Variants in SLC26A11 observed in about 807,000 individuals in gnomAD.
SLC26A11 encodes sodium-independent sulfate anion transporter.
SLC26A11 carries 58 observed loss-of-function variants against 62.2 expected under a neutral mutation model. That is an observed-to-expected ratio of 0.93 (90% CI 0.76 to 1.16). The LOEUF (loss-of-function observed/expected upper bound fraction) is 1.16. SLC26A11 is among the 50% of genes most tolerant of loss of function. The pLI is 0.00. For missense variants in SLC26A11, 790 were observed against 794.3 expected (o/e 0.99, Z 0.06); for synonymous variants, 411 against 368.9 (o/e 1.11, Z -1.31).
At chr17:80,237,713 T>A (rs2042737828) in intron 9 of SLC26A11, 119 bp downstream of exon 9, 2 of 888,194 alleles carry the variant, frequency 2.3e-6, no homozygotes, top group Non-Finnish European at 3.5e-6. Context: ...CATATCCAAG[T>A]AATACATGCT....
In SLC26A11 at chr17:80,241,702, C is replaced by T. The variant is rs184033109; in HGVS notation, c.986-69C>T. The T allele has an allele frequency of 7.4e-6, 11 of 1,494,104 alleles. No homozygotes were observed. In the Admixed American group the frequency reaches 1.8e-4, roughly 25 times the overall value. 92.6% of individuals were successfully genotyped at this position (1,494,104 alleles called of 1,614,324 possible). ...GTGTAGAAATTCATAATCTGTGTTA[C>T]ATTTTGTGAATACTTTTTGAGCGAT... is the stretch of plus-strand genomic sequence containing the variant. On this transcript the variant is annotated intron_variant, in intron 9 of 17. Transcript: ENST00000361193.
At chr17:80,230,968 C>T (rs922986970) in intron 7 of SLC26A11, among the ~76,000 whole-genome samples, 18 of 152,018 alleles carry the variant, frequency 1.2e-4, no homozygotes, top group African/African-American at 3.9e-4. Flanking sequence ...TCACCCGAGT[C>T]GTCTGTCTTT....
chr17:80,244,379 T>C (rs922062944), intron 10 of SLC26A11, among the ~76,000 whole-genome samples: 1 of 152,204 alleles, frequency 6.6e-6, no homozygotes, highest in East Asian at 1.9e-4. Context: ...GGAAAGGAAC[T>C]GGGTGGAGAA....
In SLC26A11 at chr17:80,222,269, G is replaced by A; in HGVS notation, c.235-386G>A. ...CGGGTGCCTGTAGTCCCAGCTACCT[G>A]GGAGGCTGAGGCAGGAGAATGGCGT... On this transcript the variant is annotated intron_variant, in intron 3 of 17. Coordinates refer to ENST00000361193, the MANE Select transcript of SLC26A11 (RefSeq NM_001166347.2). This position sits in a 1 kb window ranked among gnomAD's most constrained non-coding sequence, Gnocchi z 4.7. 5.1e-6 allele frequency: 1 copy of A among 194,212 alleles called. No individual in the cohort carries two copies. Among genetic ancestry groups the A allele is most frequent in the Non-Finnish European group, 1.0e-5 (1 of 96,026 alleles). 12.0% of individuals were successfully genotyped at this position (194,212 alleles called of 1,614,324 possible). A position where few individuals can be genotyped will look rare whatever the true frequency, so the allele number is the denominator to read the frequency against.
chr17:80,248,111 A>G lies in SLC26A11; in HGVS notation c.1295-19A>G. The G allele has an allele frequency of 6.3e-7, 1 of 1,593,060 alleles. No individual in the cohort carries two copies. The highest frequency in any genetic ancestry group is 8.5e-7 in the Non-Finnish European group (1 of 1,175,128). On this transcript the variant is annotated intron_variant, in intron 13 of 17. Transcript: ENST00000361193. ...CTCGGGCAGCTGCCGGGCATTCCTC[A>G]GCTGTGCCCTTCTCCTAGGGCTGGA...
chr17:80,247,658 G>T (rs2043044063), intron 13 of SLC26A11, among the ~76,000 whole-genome samples: 1 of 152,224 alleles, frequency 6.6e-6, no homozygotes, highest in Non-Finnish European at 1.5e-5. Flanking sequence ...GTGTTCATGT[G>T]CCGGCGTGGA....
At chr17:80,230,659 T>C (rs1238192383) in intron 7 of SLC26A11, among the ~76,000 whole-genome samples, 2 of 152,120 alleles carry the variant, frequency 1.3e-5, no homozygotes, top group East Asian at 3.8e-4. Flanking sequence ...TCTCTAGTAC[T>C]TGCCTAACCC....
In SLC26A11 at chr17:80,252,804, C is replaced by T; in HGVS notation, c.*88C>T. On this transcript the variant is annotated 3_prime_UTR_variant, in exon 18 of 18. Coordinates refer to ENST00000361193, the MANE Select transcript of SLC26A11 (RefSeq NM_001166347.2). This position sits in a 1 kb window ranked among gnomAD's most constrained non-coding sequence, Gnocchi z 5.2. ...TGGATGCTGGATGCCGCCTGATAGA[C>T]ATGCTGGCCTGGCTGAGAAACCCCT... is the stretch of plus-strand genomic sequence containing the variant. 8.2e-7 allele frequency: 1 copy of T among 1,225,634 alleles called. No homozygotes were observed. The highest frequency in any genetic ancestry group is 1.2e-6 in the Non-Finnish European group (1 of 858,390). The allele number at this position is 1,225,634 out of a possible 1,614,324, so 75.9% of individuals were successfully genotyped here. A position where few individuals can be genotyped will look rare whatever the true frequency, so the allele number is the denominator to read the frequency against.
rs982197061 is a variant in SLC26A11 at position 80,222,075 on chromosome 17, C to T, written c.234+281C>T. 31 of 410,366 alleles carry T rather than the reference C, an allele frequency of 7.6e-5. No individual in the cohort carries two copies. The highest frequency in any genetic ancestry group is 1.2e-4 in the Non-Finnish European group (29 of 232,436). The allele number at this position is 410,366 out of a possible 1,614,324, so 25.4% of individuals were successfully genotyped here. On this transcript the variant is annotated intron_variant, in intron 3 of 17. Transcript: ENST00000361193. This position sits in a 1 kb window ranked among gnomAD's most constrained non-coding sequence, Gnocchi z 4.7. The stretch of plus-strand genomic sequence containing the variant: ...GACCAAAATGGTGAAACCCCGTCTC[C>T]ACTAAAAATACAAAAATTAGGCTGG...
rs1345201793 is a variant in SLC26A11, at chr17:80,228,544, T to A, written c.736+584T>A. 1.3e-5 allele frequency among the ~76,000 whole-genome samples: 2 copies of A among 152,220 alleles called. No homozygotes were observed. The highest frequency in any genetic ancestry group is 4.8e-5 in the African/African-American group (2 of 41,438). On this transcript the variant is annotated intron_variant, in intron 7 of 17. Coordinates refer to ENST00000361193, the MANE Select transcript of SLC26A11 (RefSeq NM_001166347.2). The surrounding 1 kb of genome is among the most constrained non-coding windows in gnomAD (Gnocchi z 4.1). ...GGCCGTTCTCAACCTGAAGCAGTTT[T>A]GCCCCCTGGTGACACGTGGCAATGT...
At chr17:80,230,823 G>C (rs529209948) in intron 7 of SLC26A11, among the ~76,000 whole-genome samples, 1 of 152,168 alleles carries the variant, frequency 6.6e-6, no homozygotes, top group South Asian at 2.1e-4. Flanking sequence ...AAAAGCTTTT[G>C]ATTCTTATAA....
At chr17:80,231,025 C>G (rs2042550573) in intron 7 of SLC26A11, among the ~76,000 whole-genome samples, 1 of 120,588 alleles carries the variant, frequency 8.3e-6, no homozygotes, top group Non-Finnish European at 1.9e-5. Context: ...ATGATCCTCT[C>G]AAAGAACCAC....
At chr17:80,237,134 G>A in intron 8 of SLC26A11, 31 bp downstream of exon 8, 1 of 1,596,464 alleles carries the variant, frequency 6.3e-7, no homozygotes, top group Non-Finnish European at 8.5e-7. Context: ...GGATGGCGTG[G>A]CTGAGGCTGC....
At chr17:80,240,085 C>T (rs1424078687) in intron 9 of SLC26A11, among the ~76,000 whole-genome samples, 2 of 152,222 alleles carry the variant, frequency 1.3e-5, no homozygotes, top group Non-Finnish European at 2.9e-5. Flanking sequence ...TTGCCAACCT[C>T]AGCTGGGTGC....
chr17:80,237,712 G>GTA, intron 9 of SLC26A11, 118 bp downstream of exon 9: 1 of 903,364 alleles, frequency 1.1e-6, no homozygotes, highest in South Asian at 1.6e-5. Flanking sequence ...TCATATCCAA[G>GTA]TAATACATGC....
intron 9 of SLC26A11, 95 bp downstream of exon 9, chr17:80,237,689 T>C (rs963083432): frequency 6.7e-6 from 8 of 1,194,288 alleles, no homozygotes; most frequent in Admixed American, 2.3e-5. Flanking sequence ...TTACTAGTTT[T>C]AGAAATTTGA....
At chr17:80,236,546 G>A (rs971489056) in intron 7 of SLC26A11, among the ~76,000 whole-genome samples, 2 of 152,160 alleles carry the variant, frequency 1.3e-5, no homozygotes, top group Non-Finnish European at 2.9e-5. Context: ...CCACTGTCCC[G>A]CATCTTGGAG....
At chr17:80,243,928 G>C (rs1430171633) in intron 10 of SLC26A11, among the ~76,000 whole-genome samples, 2 of 152,192 alleles carry the variant, frequency 1.3e-5, no homozygotes, top group Admixed American at 1.3e-4. Flanking sequence ...CACAGAGTTG[G>C]GTCCCCAGCC....
At chr17:80,242,586 A>T (rs191923268) in intron 10 of SLC26A11, among the ~76,000 whole-genome samples, 1 of 151,656 alleles carries the variant, frequency 6.6e-6, no homozygotes, top group East Asian at 1.9e-4. Context: ...ATTCATGAAG[A>T]CTCGGGGGCC....
Sources: allele counts gnomAD v4.1 joint callset (sites outside exome capture counted in the v4.1 genomes callset), GRCh38; gene constraint gnomAD v4.1.1; non-coding constraint Gnocchi (gnomAD v3.1); transcripts MANE v1.5; gene names NCBI Gene and HGNC (gene_info 2026-07-23, HGNC 2026-07-21).